The following RBMS3 variants were observed in gnomAD, a reference collection of about 807,000 sequenced individuals.
The protein encoded by RBMS3 is RNA-binding motif, single-stranded-interacting protein 3.
In RBMS3, 27 loss-of-function variants were observed where a neutral mutation model predicts 66.8. The ratio of observed to expected loss-of-function variants is 0.40; its 90% CI spans 0.30 to 0.56. The LOEUF (loss-of-function observed/expected upper bound fraction) is 0.56, where lower values mean the gene tolerates loss of function less well. Ranked by LOEUF, RBMS3 falls within the 20% of genes least tolerant of loss-of-function variation. The probability of loss-of-function intolerance (pLI) is 0.40; values close to 1 mark genes in which losing one functional copy is unlikely to be tolerated. For synonymous variants in RBMS3, 188 were observed against 183.0 expected (o/e 1.03, Z -0.22); for missense variants, 513 against 549.5 (o/e 0.93, Z 0.66).
intron 4 of RBMS3, among the ~76,000 whole-genome samples, chr3:29,667,907 C>CCT (rs2050832693): frequency 6.6e-6 from 1 of 151,956 alleles, no homozygotes; most frequent in African/African-American, 2.4e-5. Context: ...TTTTATCATA[C>CCT]CTCCATAAAT....
chr3:29,942,400 T>C (rs966807179), intron 11 of RBMS3, among the ~76,000 whole-genome samples: 1 of 151,670 alleles, frequency 6.6e-6, no homozygotes, highest in Non-Finnish European at 1.5e-5. Context: ...TTGTGTGCCC[T>C]GTAGTCCAAC....
At chr3:29,469,684 C>T (rs567129090) in intron 2 of RBMS3, among the ~76,000 whole-genome samples, 64 of 142,062 alleles carry the variant, frequency 4.5e-4, no homozygotes, top group African/African-American at 1.5e-3. Flanking sequence ...TATATACATA[C>T]GTATAAGAAA....
At chr3:29,956,641 T>G (rs1477535635) in intron 12 of RBMS3, among the ~76,000 whole-genome samples, 1 of 152,066 alleles carries the variant, frequency 6.6e-6, no homozygotes, top group Non-Finnish European at 1.5e-5. Flanking sequence ...TCTCTCACAG[T>G]TCTAAAATTT....
At chr3:29,770,119 G>T (rs542565259) in intron 6 of RBMS3, among the ~76,000 whole-genome samples, 11 of 151,842 alleles carry the variant, frequency 7.2e-5, no homozygotes, top group Admixed American at 1.3e-4. Flanking sequence ...ATGGCAAATG[G>T]TCTTGCCTAA....
intron 3 of RBMS3, among the ~76,000 whole-genome samples, chr3:29,578,321 C>T (rs2047193077): frequency 6.6e-6 from 1 of 152,042 alleles, no homozygotes; most frequent in Non-Finnish European, 1.5e-5. Flanking sequence ...TTTGTTTTTA[C>T]CGTGTACATT....
intron 12 of RBMS3, among the ~76,000 whole-genome samples, chr3:29,957,253 G>A (rs1226634380): frequency 6.6e-6 from 1 of 152,078 alleles, no homozygotes; most frequent in Non-Finnish European, 1.5e-5. Flanking sequence ...TAAACTCTTA[G>A]AGCAGAGACT....
At chr3:29,903,182 A>G (rs2060297090) in intron 10 of RBMS3, 1 of 151,212 alleles carries the variant, frequency 6.6e-6, no homozygotes, top group Admixed American at 6.6e-5. Context: ...ATGGATTATA[A>G]TTCTGATGTT....
At chr3:29,589,751 G>T (rs1294459764) in intron 4 of RBMS3, among the ~76,000 whole-genome samples, 3 of 151,902 alleles carry the variant, frequency 2.0e-5, no homozygotes, top group Admixed American at 1.3e-4. Flanking sequence ...TATATTTTTG[G>T]CCATTTAAGT....
chr3:29,800,055 T>C (rs891605401), intron 6 of RBMS3, among the ~76,000 whole-genome samples: 14 of 152,192 alleles, frequency 9.2e-5, no homozygotes, highest in African/African-American at 3.1e-4. Flanking sequence ...GAATGGCATT[T>C]AGGAATCAAA....
intron 3 of RBMS3, among the ~76,000 whole-genome samples, chr3:29,503,766 A>G (rs1407878331): frequency 2.0e-5 from 3 of 152,110 alleles, no homozygotes; most frequent in Non-Finnish European, 4.4e-5. Flanking sequence ...GCTTCTTTGA[A>G]GCTGAAGATC....
At chr3:29,510,503 C>A (rs1041998486) in intron 3 of RBMS3, among the ~76,000 whole-genome samples, 2 of 152,120 alleles carry the variant, frequency 1.3e-5, no homozygotes, top group Non-Finnish European at 2.9e-5. Context: ...AATAATGTAC[C>A]ATATGATACA....
At chr3:29,852,230 G>A (rs1301228131) in intron 6 of RBMS3, among the ~76,000 whole-genome samples, 1 of 152,070 alleles carries the variant, frequency 6.6e-6, no homozygotes, top group Non-Finnish European at 1.5e-5. Flanking sequence ...CCTAGGAAAT[G>A]CCATTGTGGA....
chr3:29,775,449 G>A (rs1406588004), intron 6 of RBMS3, among the ~76,000 whole-genome samples: 3 of 151,904 alleles, frequency 2.0e-5, no homozygotes, highest in South Asian at 2.1e-4. Context: ...TTTAAGCAGC[G>A]TGTGTGGCAT....
chr3:29,602,179 C>CT (rs35805363), intron 4 of RBMS3, among the ~76,000 whole-genome samples: 1 of 151,918 alleles, frequency 6.6e-6, no homozygotes, highest in African/African-American at 2.4e-5. Context: ...GTTAGTTTTT[C>CT]TTTTTTACAC....
intron 2 of RBMS3, among the ~76,000 whole-genome samples, chr3:29,466,787 TG>T (rs1279154726): frequency 6.6e-6 from 1 of 152,200 alleles, no homozygotes; most frequent in Non-Finnish European, 1.5e-5. Flanking sequence ...GTTGGCCTTA[TG>T]TTTTTTTTCT....
intron 12 of RBMS3, among the ~76,000 whole-genome samples, chr3:29,954,688 G>A (rs1695907776): frequency 6.6e-6 from 1 of 151,898 alleles, no homozygotes; most frequent in African/African-American, 2.4e-5. Flanking sequence ...CCTTTTTCAT[G>A]TAGATCCTAT....
intron 14 of RBMS3, chr3:29,991,541 G>A (rs73829222): frequency 0.024 from 5,780 of 236,572 alleles, 75 homozygotes; most frequent in Middle Eastern, 0.079. Context: ...GGAAGTCTCA[G>A]AATTTCAAGA....
At chr3:29,290,434 A>G (rs1436523101) in intron 1 of RBMS3, among the ~76,000 whole-genome samples, 1 of 151,824 alleles carries the variant, frequency 6.6e-6, no homozygotes, top group African/African-American at 2.4e-5. Context: ...AAGATGAGAA[A>G]ACAACATTTC....
intron 10 of RBMS3, among the ~76,000 whole-genome samples, chr3:29,912,660 G>T (rs187630255): frequency 1.3e-5 from 2 of 152,064 alleles, no homozygotes; most frequent in Non-Finnish European, 2.9e-5. Context: ...TAAAAGCCAA[G>T]CACATGTTAA....
Sources: gnomAD v4.1 joint callset for allele counts (sites outside exome capture counted in the v4.1 genomes callset) on GRCh38, gnomAD v4.1.1 for gene constraint, MANE v1.5 for transcripts, NCBI Gene and HGNC (gene_info 2026-07-23, HGNC 2026-07-21) for gene names.